Variants in STPG2 observed in about 807,000 individuals in gnomAD.
The protein encoded by STPG2 is sperm tail PG-rich repeat containing 2.
STPG2 carries 56 observed loss-of-function variants against 54.2 expected under a neutral mutation model. That is an observed-to-expected ratio of 1.03 (90% CI 0.83 to 1.29). The LOEUF is 1.29. Ranked by LOEUF, STPG2 falls within the 50% of genes most tolerant of loss-of-function variation. The pLI is 0.00. For missense variants in STPG2, 596 were observed against 544.9 expected (o/e 1.09, Z -0.93); for synonymous variants, 200 against 181.8 (o/e 1.10, Z -0.81).
At chr4:97,955,315 C>T (rs984355581) in intron 7 of STPG2, among the ~76,000 whole-genome samples, 33 of 151,222 alleles carry the variant, frequency 2.2e-4, no homozygotes, top group Admixed American at 1.2e-3. Flanking sequence ...TATGGGTTCA[C>T]GCCATTCTCC....
intron 9 of STPG2, among the ~76,000 whole-genome samples, chr4:97,834,988 G>A (rs919732116): frequency 2.6e-5 from 4 of 152,066 alleles, no homozygotes; most frequent in Non-Finnish European, 4.4e-5. Flanking sequence ...GGGGGATAAT[G>A]TCAGAGGCAT....
chr4:97,595,150 C>T (rs1430533068), intron 10 of STPG2, among the ~76,000 whole-genome samples: 2 of 152,178 alleles, frequency 1.3e-5, no homozygotes, highest in Non-Finnish European at 2.9e-5. Context: ...CACATGCACA[C>T]ATATGTTTAC....
At chr4:97,999,855 A>G (rs188866699) in intron 5 of STPG2, among the ~76,000 whole-genome samples, 1 of 152,320 alleles carries the variant, frequency 6.6e-6, no homozygotes, top group African/African-American at 2.4e-5. Flanking sequence ...CTGTAAATAC[A>G]CATTGGAAGT....
chr4:97,955,869 A>G (rs1422529557), intron 7 of STPG2, among the ~76,000 whole-genome samples: 1 of 152,204 alleles, frequency 6.6e-6, no homozygotes, highest in African/African-American at 2.4e-5. Flanking sequence ...CACCAGCCTA[A>G]AAATCTATAC....
intron 4 of STPG2, among the ~76,000 whole-genome samples, chr4:97,448,731 T>A (rs1463796960): frequency 1.3e-5 from 2 of 152,184 alleles, no homozygotes; most frequent in Admixed American, 1.3e-4. Flanking sequence ...AACGAACTGA[T>A]ACACTCACCA....
intron 4 of STPG2, among the ~76,000 whole-genome samples, chr4:98,106,285 C>T (rs879288392): frequency 4.6e-5 from 7 of 151,662 alleles, no homozygotes; most frequent in Admixed American, 6.6e-5. Flanking sequence ...TATTATAAAC[C>T]TATCTGAATA....
chr4:98,033,030 A>ACT (rs1282747453), intron 5 of STPG2, among the ~76,000 whole-genome samples: 1 of 152,162 alleles, frequency 6.6e-6, no homozygotes, highest in Admixed American at 6.6e-5. Context: ...AATTAAAAGA[A>ACT]CTAGAGAAAC....
chr4:98,074,699 G>C (rs2110110531), intron 5 of STPG2, among the ~76,000 whole-genome samples: 1 of 152,274 alleles, frequency 6.6e-6, no homozygotes, highest in East Asian at 1.9e-4. Flanking sequence ...AAATGACAAA[G>C]AGGTCTCCAG....
chr4:97,582,470 T>C (rs1319260178), intron 10 of STPG2, among the ~76,000 whole-genome samples: 1 of 152,084 alleles, frequency 6.6e-6, no homozygotes, highest in Non-Finnish European at 1.5e-5. Flanking sequence ...TAATAAAAAT[T>C]TGTTTGCCTA....
intron 4 of STPG2, among the ~76,000 whole-genome samples, chr4:97,477,012 T>C (rs909432022): frequency 6.6e-6 from 1 of 152,152 alleles, no homozygotes; most frequent in Non-Finnish European, 1.5e-5. Context: ...GAGATAGTAT[T>C]TGGGAATCAC....
At chr4:98,089,238 T>C (rs1738613848) in intron 5 of STPG2, among the ~76,000 whole-genome samples, 1 of 152,024 alleles carries the variant, frequency 6.6e-6, no homozygotes, top group Non-Finnish European at 1.5e-5. Context: ...CAAAGTCCAT[T>C]ATATTATTCT....
At chr4:97,982,032 C>T (rs1356913130) in intron 5 of STPG2, among the ~76,000 whole-genome samples, 1 of 151,624 alleles carries the variant, frequency 6.6e-6, no homozygotes, top group East Asian at 1.9e-4. Context: ...CCACAGGCAC[C>T]CGCCACCATG....
At chr4:97,990,211 T>G (rs1031905989) in intron 5 of STPG2, among the ~76,000 whole-genome samples, 11 of 152,210 alleles carry the variant, frequency 7.2e-5, no homozygotes, top group Admixed American at 5.2e-4. Flanking sequence ...TCTTCTGCTT[T>G]TTTGTAAAGA....
At chr4:98,015,452 A>G (rs1458640275) in intron 5 of STPG2, among the ~76,000 whole-genome samples, 1 of 152,214 alleles carries the variant, frequency 6.6e-6, no homozygotes, top group African/African-American at 2.4e-5. Flanking sequence ...CAAACATAGG[A>G]AAAAAAGTTC....
chr4:97,463,944 G>T (rs114613703), intron 4 of STPG2, among the ~76,000 whole-genome samples: 1 of 151,956 alleles, frequency 6.6e-6, no homozygotes, highest in African/African-American at 2.4e-5. Context: ...GCTTTATACC[G>T]CACTCCTTTC....
intron 4 of STPG2, among the ~76,000 whole-genome samples, chr4:97,477,937 C>T (rs1730119545): frequency 6.6e-6 from 1 of 152,102 alleles, no homozygotes; most frequent in African/African-American, 2.4e-5. Flanking sequence ...TAAAAACTAG[C>T]ATGTTAACTA....
At chr4:97,964,315 T>C (rs907254211) in intron 7 of STPG2, among the ~76,000 whole-genome samples, 7 of 152,234 alleles carry the variant, frequency 4.6e-5, no homozygotes, top group African/African-American at 1.7e-4. Flanking sequence ...TCTTTTATAA[T>C]GAGCAGTAAG....
intron 9 of STPG2, among the ~76,000 whole-genome samples, chr4:97,741,261 T>A (rs1233575218): frequency 6.6e-6 from 1 of 152,106 alleles, no homozygotes; most frequent in East Asian, 1.9e-4. Context: ...ATAAAAACCC[T>A]AGAAGAAAAC....
intron 9 of STPG2, among the ~76,000 whole-genome samples, chr4:97,825,319 G>A (rs1335689267): frequency 6.6e-6 from 1 of 152,164 alleles, no homozygotes; most frequent in Admixed American, 6.5e-5. Context: ...GAGAGCTTTG[G>A]TGTGTAATAA....
Sources: allele counts gnomAD v4.1 joint callset (sites outside exome capture counted in the v4.1 genomes callset), GRCh38; gene constraint gnomAD v4.1.1; transcripts MANE v1.5; gene names NCBI Gene and HGNC (gene_info 2026-07-23, HGNC 2026-07-21).